The following DGKG variants were observed in gnomAD, a reference collection of about 807,000 sequenced individuals.
The protein encoded by DGKG is DAG kinase gamma.
DGKG carries 78 observed loss-of-function variants against 105.3 expected under a neutral mutation model. The ratio of observed to expected loss-of-function variants is 0.74; its 90% CI spans 0.62 to 0.89. The LOEUF is 0.89. Ranked by LOEUF, DGKG falls within the 40% of genes least tolerant of loss-of-function variation. DGKG has a pLI of 0.00. For missense variants in DGKG, 958 were observed against 1,020.1 expected (o/e 0.94, Z 0.83); for synonymous variants, 346 against 367.1 (o/e 0.94, Z 0.66).
At chr3:186,282,599 A>G (rs2108597009) in intron 7 of DGKG, among the ~76,000 whole-genome samples, 1 of 151,718 alleles carries the variant, frequency 6.6e-6, no homozygotes, top group African/African-American at 2.4e-5. Flanking sequence ...GGCAACCTCC[A>G]CCTCCTGGGT....
intron 19 of DGKG, among the ~76,000 whole-genome samples, chr3:186,247,908 G>A (rs1162500905): frequency 6.6e-6 from 1 of 152,126 alleles, no homozygotes; most frequent in African/African-American, 2.4e-5. Flanking sequence ...GAGTGATGGA[G>A]AATCTGTTTA....
chr3:186,322,750 T>G (rs1413417443), intron 1 of DGKG, among the ~76,000 whole-genome samples: 1 of 152,154 alleles, frequency 6.6e-6, no homozygotes, highest in Non-Finnish European at 1.5e-5. Context: ...GATATTCAGA[T>G]GCCTTAATCC....
chr3:186,280,146 T>C (rs1416657369), intron 8 of DGKG, among the ~76,000 whole-genome samples, 173 bp from the exon 9 acceptor site: 1 of 152,244 alleles, frequency 6.6e-6, no homozygotes, highest in East Asian at 1.9e-4. Flanking sequence ...CTTCCAGGTC[T>C]GGCTCTGCCC....
intron 22 of DGKG, among the ~76,000 whole-genome samples, chr3:186,183,075 A>C (rs1175062661): frequency 6.6e-6 from 1 of 152,164 alleles, no homozygotes; most frequent in Non-Finnish European, 1.5e-5. Flanking sequence ...GCAGAATTTC[A>C]ACAAGGAGTT....
chr3:186,188,392 G>A lies in DGKG; in HGVS notation c.1918-13C>T. The A allele has an allele frequency of 6.2e-7, 1 of 1,613,188 alleles. No homozygotes were observed. The highest frequency in any genetic ancestry group is 8.5e-7 in the Non-Finnish European group (1 of 1,179,718). On this transcript the variant is annotated splice_polypyrimidine_tract_variant and intron_variant, in intron 21 of 24. Coordinates refer to ENST00000265022, the MANE Select transcript of DGKG (RefSeq NM_001346.3). ...CAACCCCATCACACTGGAGGACGGA[G>A]AGAAAAGGCCATCTGTTAGTGTCCT... is the stretch of plus-strand genomic sequence containing the variant.
At chr3:186,221,693 G>A (rs563190114) in intron 20 of DGKG, among the ~76,000 whole-genome samples, 286 of 152,284 alleles carry the variant, frequency 1.9e-3, no homozygotes, top group Non-Finnish European at 2.7e-3. Flanking sequence ...GTGAGGCCTC[G>A]TGTTAGAAAC....
At chr3:186,196,098 C>T (rs1207041931) in intron 21 of DGKG, among the ~76,000 whole-genome samples, 1 of 150,886 alleles carries the variant, frequency 6.6e-6, no homozygotes, top group Non-Finnish European at 1.5e-5. Flanking sequence ...AATTATTTCT[C>T]GTATAGTCTC....
At chr3:186,157,451 AG>A (rs1232410233) in intron 24 of DGKG, among the ~76,000 whole-genome samples, 1 of 152,084 alleles carries the variant, frequency 6.6e-6, no homozygotes, top group African/African-American at 2.4e-5. Flanking sequence ...AATTTTTGTT[AG>A]GTTATTGCAT....
intron 1 of DGKG, among the ~76,000 whole-genome samples, chr3:186,359,970 C>T (rs2108682651): frequency 6.6e-6 from 1 of 152,244 alleles, no homozygotes; most frequent in South Asian, 2.1e-4. Context: ...ACTTCCCCGC[C>T]CTTTTCCCCC....
At chr3:186,322,295 G>A (rs888846578) in intron 1 of DGKG, among the ~76,000 whole-genome samples, 1 of 152,132 alleles carries the variant, frequency 6.6e-6, no homozygotes, top group East Asian at 1.9e-4. Flanking sequence ...TGGAGCTGGA[G>A]GACATTATCC....
chr3:186,312,801 C>T (rs1482523013), intron 2 of DGKG, among the ~76,000 whole-genome samples: 6 of 152,234 alleles, frequency 3.9e-5, no homozygotes, highest in African/African-American at 1.4e-4. Context: ...GCCAAGAGCA[C>T]TGCATCAAAA....
chr3:186,177,885 ATGTT>A (rs1717160836), intron 22 of DGKG, among the ~76,000 whole-genome samples: 1 of 152,212 alleles, frequency 6.6e-6, no homozygotes, highest in African/African-American at 2.4e-5. Flanking sequence ...TATGGACTGA[ATGTT>A]TGTGTTCCCC....
intron 1 of DGKG, among the ~76,000 whole-genome samples, chr3:186,360,880 AC>A (rs879910585): frequency 1.3e-5 from 2 of 152,210 alleles, no homozygotes; most frequent in Non-Finnish European, 2.9e-5. Flanking sequence ...TAAAGGAATG[AC>A]AAACAGCCCT....
intron 21 of DGKG, among the ~76,000 whole-genome samples, chr3:186,191,313 C>T (rs1027207467): frequency 1.3e-5 from 2 of 152,156 alleles, no homozygotes; most frequent in African/African-American, 2.4e-5. Context: ...TAGAATCTTG[C>T]CAGGGATCAG....
At chr3:186,225,500 G>A (rs781598924) in intron 20 of DGKG, among the ~76,000 whole-genome samples, 1 of 152,130 alleles carries the variant, frequency 6.6e-6, no homozygotes. Context: ...ATGGGGCCTG[G>A]CAATGTGTTT....
At chr3:186,269,481 G>A (rs1449955338) in intron 11 of DGKG, among the ~76,000 whole-genome samples, 1 of 152,242 alleles carries the variant, frequency 6.6e-6, no homozygotes, top group Non-Finnish European at 1.5e-5. Context: ...CCCTGGTGCA[G>A]TCCTGGCCCT....
At position 186,361,326 on chromosome 3, in the gene DGKG, G is replaced by A. The variant is rs1727218548; in HGVS notation, c.-249+620C>T. ...AAGCACCACAGGTGACTCCGGGTAC[G>A]CACTCCTCAGGACACAAGCACACAC... is the stretch of plus-strand genomic sequence containing the variant. On this transcript the variant is annotated intron_variant, in intron 1 of 24. Transcript: ENST00000265022. This position sits in a 1 kb window ranked among gnomAD's most constrained non-coding sequence, Gnocchi z 6.8. Among the ~76,000 whole-genome samples the A allele has an allele frequency of 6.6e-6, 1 of 152,152 alleles. No individual in the cohort carries two copies. Among genetic ancestry groups the A allele is most frequent in the South Asian group, 2.1e-4 (1 of 4,830 alleles).
intron 1 of DGKG, among the ~76,000 whole-genome samples, chr3:186,346,528 GC>G (rs1446802367): frequency 6.6e-6 from 1 of 152,110 alleles, no homozygotes; most frequent in African/African-American, 2.4e-5. Flanking sequence ...TAAACTTGGT[GC>G]TTGTCAAACA....
intron 10 of DGKG, among the ~76,000 whole-genome samples, chr3:186,274,211 A>G (rs1011705315): frequency 6.6e-6 from 1 of 152,106 alleles, no homozygotes; most frequent in African/African-American, 2.4e-5. Context: ...TTTTTGAGAC[A>G]GGGTTTCACT....
Sources: allele counts gnomAD v4.1 joint callset (sites outside exome capture counted in the v4.1 genomes callset), GRCh38; gene constraint gnomAD v4.1.1; non-coding constraint Gnocchi (gnomAD v3.1); transcripts MANE v1.5; gene names NCBI Gene and HGNC (gene_info 2026-07-23, HGNC 2026-07-21).